Variants in PARPBP observed in about 807,000 individuals in gnomAD.
PARPBP encodes PARP1 binding protein.
Under a neutral mutation model 50.0 loss-of-function variants are expected in PARPBP, and 52 were observed. That is an observed-to-expected ratio of 1.04 (90% confidence interval 0.83 to 1.31). The LOEUF is 1.31. Ranked by LOEUF, PARPBP falls within the 50% of genes most tolerant of loss-of-function variation. PARPBP has a pLI of 0.00. For missense variants in PARPBP, 697 were observed against 672.0 expected (o/e 1.04, Z -0.41); for synonymous variants, 244 against 232.1 (o/e 1.05, Z -0.47).
chr12:102,158,828 A>G (rs1887252715), intron 4 of PARPBP, among the ~76,000 whole-genome samples: 1 of 152,154 alleles, frequency 6.6e-6, no homozygotes, highest in East Asian at 1.9e-4. Flanking sequence ...CAATTTGTAT[A>G]TGTGAAAAGA....
In PARPBP at chr12:102,196,447, A is replaced by T. The variant is rs1565911039; in HGVS notation, c.*156A>T. On this transcript the variant is annotated 3_prime_UTR_variant, in exon 11 of 11. Transcript: ENST00000327680. The stretch of plus-strand genomic sequence containing the variant: ...ATGTTAAGCATTGTTTAAAAATACT[A>T]GTAAGTCATAATTATGCAGAATTTT... 1 of 712,024 alleles carries T rather than the reference A, an allele frequency of 1.4e-6. No homozygotes were observed. The highest frequency in any genetic ancestry group is 1.8e-5 in the African/African-American group (1 of 55,756). The allele number at this position is 712,024 out of a possible 1,614,324, so 44.1% of individuals were successfully genotyped here.
At chr12:102,143,738 T>C (rs77792702) in intron 2 of PARPBP, among the ~76,000 whole-genome samples, 3,920 of 152,296 alleles carry the variant, frequency 0.026, 143 homozygotes, top group African/African-American at 0.077. Flanking sequence ...AATTAGCTTC[T>C]TAGTTTGCAT....
intron 3 of PARPBP, among the ~76,000 whole-genome samples, chr12:102,152,998 G>GTACAT (rs1565875361): frequency 6.6e-6 from 1 of 150,586 alleles, no homozygotes; most frequent in Non-Finnish European, 1.5e-5. Context: ...CTATAATTAA[G>GTACAT]TACATAATAA....
chr12:102,190,844 G>A (rs1890730199), intron 9 of PARPBP, among the ~76,000 whole-genome samples: 1 of 152,142 alleles, frequency 6.6e-6, no homozygotes, highest in Admixed American at 6.6e-5. Flanking sequence ...GTGCTGTGGA[G>A]TGAAATGAAA....
intron 6 of PARPBP, among the ~76,000 whole-genome samples, chr12:102,167,644 A>G (rs1888284543): frequency 6.6e-6 from 1 of 152,160 alleles, no homozygotes; most frequent in Non-Finnish European, 1.5e-5. Flanking sequence ...CCACAGAGGA[A>G]TCTTTTAATC....
chr12:102,190,311 A>G (rs1032391917), intron 9 of PARPBP, among the ~76,000 whole-genome samples: 2 of 152,052 alleles, frequency 1.3e-5, no homozygotes, highest in South Asian at 4.2e-4. Context: ...AAAAAACAGT[A>G]AGTACCTCCT....
At chr12:102,153,151 C>T (rs142780066) in intron 3 of PARPBP, among the ~76,000 whole-genome samples, 1 of 152,154 alleles carries the variant, frequency 6.6e-6, no homozygotes, top group Non-Finnish European at 1.5e-5. Flanking sequence ...CTGGACCTAC[C>T]CAGAAGCAAT....
chr12:102,190,543 C>T (rs1257782764), intron 9 of PARPBP, among the ~76,000 whole-genome samples: 1 of 152,106 alleles, frequency 6.6e-6, no homozygotes, highest in African/African-American at 2.4e-5. Context: ...CAGCCCATCA[C>T]CCTTGCCATA....
Position 102,178,748 on chromosome 12 carries a change from A to G in PARPBP, c.1162A>G (p.Thr388Ala), listed in dbSNP as rs143726163. 1 of 1,610,370 alleles carries G rather than the reference A, an allele frequency of 6.2e-7. No individual in the cohort carries two copies. The highest frequency in any genetic ancestry group is 1.1e-5 in the South Asian group (1 of 90,412). The change falls in exon 8 of 11, where the codon ACG becomes GCG. Residue 388 changes from threonine to alanine, a missense_variant. By Grantham distance (58) the Thr-to-Ala change is moderately conservative. Coordinates refer to ENST00000327680, the MANE Select transcript of PARPBP (RefSeq NM_017915.5). ...GGAAAACACAATCCATCATCATGGA[A>G]CGTCTATTCTTACACTTTTTAGGTA... ...DEENTIHHHGTSILTLFRSPT... is the reference protein window; with the variant it reads ...DEENTIHHHGASILTLFRSPT...
intron 4 of PARPBP, among the ~76,000 whole-genome samples, chr12:102,159,401 A>G (rs538814734): frequency 1.3e-5 from 2 of 152,324 alleles, no homozygotes; most frequent in South Asian, 4.1e-4. Flanking sequence ...TGCTGGAATT[A>G]CAGGCGTGAG....
intron 2 of PARPBP, among the ~76,000 whole-genome samples, chr12:102,128,195 C>T (rs1197093621): frequency 1.3e-5 from 2 of 152,026 alleles, no homozygotes; most frequent in African/African-American, 4.8e-5. Flanking sequence ...GTCCCCACAT[C>T]CCCTAGTAAC....
At chr12:102,128,883 G>A (rs1882420021) in intron 2 of PARPBP, among the ~76,000 whole-genome samples, 1 of 152,030 alleles carries the variant, frequency 6.6e-6, no homozygotes, top group Non-Finnish European at 1.5e-5. Flanking sequence ...TATTTTTTGA[G>A]AAACTTTCAT....
chr12:102,184,378 A>C (rs1195600087), intron 9 of PARPBP, among the ~76,000 whole-genome samples: 1 of 152,164 alleles, frequency 6.6e-6, no homozygotes, highest in Non-Finnish European at 1.5e-5. Context: ...AAATGAAAAA[A>C]TCTATCTGAG....
intron 2 of PARPBP, among the ~76,000 whole-genome samples, chr12:102,136,698 G>C (rs1883682974): frequency 6.6e-6 from 1 of 152,162 alleles, no homozygotes; most frequent in Admixed American, 6.5e-5. Context: ...CACATGTGTA[G>C]TGGTGTGGTA....
At chr12:102,170,862 T>C (rs1275588630) in intron 6 of PARPBP, among the ~76,000 whole-genome samples, 1 of 152,024 alleles carries the variant, frequency 6.6e-6, no homozygotes, top group Non-Finnish European at 1.5e-5. Context: ...AGAATTTTTT[T>C]CTCTGTATCC....
At chr12:102,143,537 C>T (rs971963211) in intron 2 of PARPBP, among the ~76,000 whole-genome samples, 3 of 152,212 alleles carry the variant, frequency 2.0e-5, no homozygotes, top group African/African-American at 7.2e-5. Context: ...GTTGGAAATG[C>T]AGAAATCACT....
intron 2 of PARPBP, among the ~76,000 whole-genome samples, chr12:102,147,084 A>T (rs2138583931): frequency 6.6e-6 from 1 of 152,314 alleles, no homozygotes; most frequent in East Asian, 1.9e-4. Flanking sequence ...GCTGGAGAGG[A>T]TGTGGAAAAA....
intron 9 of PARPBP, among the ~76,000 whole-genome samples, chr12:102,187,965 A>G (rs1271891090): frequency 2.0e-5 from 3 of 152,178 alleles, no homozygotes; most frequent in African/African-American, 2.4e-5. Context: ...TGAGAAGTCT[A>G]TTGTCAGCTG....
In PARPBP at chr12:102,188,339, C is replaced by A. The variant is rs553131565; in HGVS notation, c.1263+5712C>A. On this transcript the variant is annotated intron_variant, in intron 9 of 10. Coordinates refer to ENST00000327680, the MANE Select transcript of PARPBP (RefSeq NM_017915.5). ...GAGATCACAGAACATAGTGTGAAAA[C>A]CCCTGAAAAACAGACTGAATCTCCC... is the stretch of plus-strand genomic sequence containing the variant. 1.9e-3 allele frequency among the ~76,000 whole-genome samples: 287 copies of A among 151,152 alleles called. 1 individual carries two copies. Among genetic ancestry groups the A allele is most frequent in the African/African-American group, 6.3e-3 (258 of 41,188 alleles).
Sources: gnomAD v4.1 joint callset for allele counts (sites outside exome capture counted in the v4.1 genomes callset) on GRCh38, gnomAD v4.1.1 for gene constraint, MANE v1.5 for transcripts, NCBI Gene and HGNC (gene_info 2026-07-23, HGNC 2026-07-21) for gene names.